The following PRUNE2 variants were observed in gnomAD, a reference collection of about 807,000 sequenced individuals.
The protein encoded by PRUNE2 is prune homolog 2 with BCH domain, also known as protein prune homolog 2.
PRUNE2 carries 164 observed loss-of-function variants against 252.0 expected under a neutral mutation model. That is an observed-to-expected ratio of 0.65 (90% CI 0.57 to 0.74). The LOEUF is 0.74. PRUNE2 is among the 30% of genes least tolerant of loss of function. The pLI is 0.00. For missense variants in PRUNE2, 3,495 were observed against 3,711.0 expected (o/e 0.94, Z 1.51); for synonymous variants, 1,292 against 1,350.2 (o/e 0.96, Z 0.94).
Position 76,710,803 on chromosome 9 carries a change from A to C in PRUNE2, c.1471T>G (p.Phe491Val). The change falls in exon 8 of 19, where the codon TTC becomes GTC. Residue 491 changes from phenylalanine to valine, a missense_variant. By Grantham distance (50) the Phe-to-Val change is conservative. Coordinates refer to ENST00000376718, the MANE Select transcript of PRUNE2 (RefSeq NM_015225.3). ...HAWSGEHGEHFDLFNFDPAPM... is the reference protein window; with the variant it reads ...HAWSGEHGEHVDLFNFDPAPM... ...GCTGGGTCAAAATTGAAGAGGTCGA[A>C]GTGCTCACCGTGTTCTCCAGACCAT... 6.3e-7 allele frequency: 1 copy of C among 1,579,618 alleles called. No homozygotes were observed. The highest frequency in any genetic ancestry group is 8.6e-7 in the Non-Finnish European group (1 of 1,164,554).
chr9:76,856,449 G>A (rs2060254004), intron 1 of PRUNE2: 1 of 152,170 alleles, frequency 6.6e-6, no homozygotes, highest in African/African-American at 2.4e-5. Flanking sequence ...AAGAAGACAT[G>A]GGGAGTGTAG....
chr9:76,723,900 T>C (rs1362718996), intron 6 of PRUNE2, among the ~76,000 whole-genome samples: 5 of 151,154 alleles, frequency 3.3e-5, no homozygotes, highest in East Asian at 2.0e-4. Context: ...CTCCGCCTTC[T>C]GGGTTCACGC....
intron 1 of PRUNE2, among the ~76,000 whole-genome samples, chr9:76,879,710 G>A (rs972416641): frequency 1.3e-5 from 2 of 151,502 alleles, no homozygotes; most frequent in South Asian, 2.1e-4. Flanking sequence ...AAGGAAGTGC[G>A]GGAGGGTTTG....
intron 17 of PRUNE2, among the ~76,000 whole-genome samples, chr9:76,623,486 G>A (rs953761923): frequency 2.6e-5 from 4 of 151,956 alleles, no homozygotes; most frequent in African/African-American, 9.7e-5. Context: ...GTAGAGACGG[G>A]GTTTCACCAT....
At position 76,621,128 on chromosome 9, in the gene PRUNE2, A is replaced by G. The variant is rs1320272236; in HGVS notation, c.9189-1741T>C. On this transcript the variant is annotated intron_variant, in intron 17 of 18. Transcript: ENST00000376718. ...TAGTGGGCATAAAGCAAAACAGTGG[A>G]CAGATAGGTTTTGTTCCCTGACCAA... Among the ~76,000 whole-genome samples the G allele has an allele frequency of 2.0e-5, 3 of 151,418 alleles. No individual in the cohort carries two copies. The East Asian group carries it at 5.8e-4, about 29-fold the overall frequency.
chr9:76,760,431 T>C (rs2051594062), intron 6 of PRUNE2, among the ~76,000 whole-genome samples: 1 of 152,130 alleles, frequency 6.6e-6, no homozygotes, highest in Non-Finnish European at 1.5e-5. Flanking sequence ...TACCAAAGAT[T>C]CTTCTCTTTT....
rs112317558 is a variant in PRUNE2 at position 76,871,742 on chromosome 9, C to T, written c.37-17534G>A. Reference sequence around the variant, plus strand: ...CTCCTGGTTTCAAGTGATTCTCCTGCCTCAGCCTCCTGAGTAGCTGGGACT... The same window carrying T: ...CTCCTGGTTTCAAGTGATTCTCCTGTCTCAGCCTCCTGAGTAGCTGGGACT... On this transcript the variant is annotated intron_variant, in intron 1 of 18. Coordinates refer to ENST00000376718, the MANE Select transcript of PRUNE2 (RefSeq NM_015225.3). Among the ~76,000 whole-genome samples, 986 of 152,288 alleles carry T rather than the reference C, an allele frequency of 6.5e-3. 10 individuals are homozygous for T. The highest frequency in any genetic ancestry group is 0.022 in the African/African-American group (933 of 41,570).
In PRUNE2 at chr9:76,705,239, A is replaced by C. The variant is rs747181340; in HGVS notation, c.7035T>G (p.Ser2345=). ...GDLGKQDICS[S]EASWGDFEYD... ...ATTCAAAATCACCCCACGAGGCTTC[A>C]GATGAGCAGATATCTTGCTTCCCTA... The change falls in exon 8 of 19, where the codon TCT becomes TCG. Residue 2345 remains serine (S), a synonymous_variant. Transcript: ENST00000376718. 9.9e-6 allele frequency: 16 copies of C among 1,613,942 alleles called. No individual in the cohort carries two copies. Among genetic ancestry groups the C allele is most frequent in the African/African-American group, 1.3e-5 (1 of 74,948 alleles).
intron 1 of PRUNE2, among the ~76,000 whole-genome samples, chr9:76,890,084 C>T (rs1168561263): frequency 4.6e-5 from 7 of 152,218 alleles, no homozygotes; most frequent in Admixed American, 4.6e-4. Context: ...TAAGCTAAGA[C>T]TCTCAGGAAT....
intron 6 of PRUNE2, among the ~76,000 whole-genome samples, chr9:76,821,231 A>C: frequency 6.6e-6 from 1 of 152,214 alleles, no homozygotes; most frequent in East Asian, 1.9e-4. Context: ...CAAGATTCGG[A>C]AAGTCATAGG....
intron 1 of PRUNE2, among the ~76,000 whole-genome samples, chr9:76,867,622 G>C (rs528118224): frequency 4.6e-4 from 70 of 152,218 alleles, no homozygotes; most frequent in African/African-American, 1.6e-3. Flanking sequence ...AGGCTGGAGC[G>C]CGGTGGCACA....
chr9:76,614,920 A>G (rs1014044933), intron 18 of PRUNE2, among the ~76,000 whole-genome samples: 2 of 152,244 alleles, frequency 1.3e-5, no homozygotes, highest in African/African-American at 4.8e-5. Context: ...GCATTAGTGT[A>G]TTCCAGAAAT....
At chr9:76,850,791 GCATT>G in intron 2 of PRUNE2, 126 bp from the exon 3 acceptor site, 1 of 669,360 alleles carries the variant, frequency 1.5e-6, no homozygotes, top group Non-Finnish European at 2.6e-6. Context: ...AAACCACTTG[GCATT>G]CATAATCAAA....
At position 76,796,263 on chromosome 9, in the gene PRUNE2, G is replaced by A. The variant is rs115395280; in HGVS notation, c.756+27369C>T. ...GAAGAGGAACTGTAGAAGGGACCAC[G>A]CAATGGACTGGTTCAATGACAATAT... is the stretch of plus-strand genomic sequence containing the variant. On this transcript the variant is annotated intron_variant, in intron 6 of 18. Coordinates refer to ENST00000376718, the MANE Select transcript of PRUNE2 (RefSeq NM_015225.3). Among the ~76,000 whole-genome samples the A allele has an allele frequency of 3.6e-3, 539 of 151,604 alleles. 4 individuals carry two copies. The highest frequency in any genetic ancestry group is 0.012 in the African/African-American group (497 of 40,996).
chr9:76,765,206 A>T lies in PRUNE2; in HGVS notation c.757-51485T>A, dbSNP rs180911904. On this transcript the variant is annotated intron_variant, in intron 6 of 18. Transcript: ENST00000376718. ...CAAGCTGGGAATTCCAACATGTAGAAGTTAAACACAAGAGGAGGAGCCAGC... is the reference window on the plus strand; with the variant it reads ...CAAGCTGGGAATTCCAACATGTAGATGTTAAACACAAGAGGAGGAGCCAGC... Among the ~76,000 whole-genome samples the T allele has an allele frequency of 1.6e-4, 24 of 152,344 alleles. No homozygotes were observed. The East Asian group carries it at 4.2e-3, about 27-fold the overall frequency.
At position 76,710,885 on chromosome 9, in the gene PRUNE2, G is replaced by C; in HGVS notation, c.1389C>G (p.Leu463=). The C allele has an allele frequency of 1.3e-6, 2 of 1,543,694 alleles. No homozygotes were observed. The highest frequency in any genetic ancestry group is 1.7e-6 in the Non-Finnish European group (2 of 1,146,956). Residue 463 remains leucine (L), a synonymous_variant, in exon 8 of 19, where the codon CTC becomes CTG. Transcript: ENST00000376718. The part of the protein sequence containing the change: ...GEGAGPHHTL[L]PGLDSYSPIP... ...TGGGGCTGTAGGAGTCAAGCCCTGG[G>C]AGAAGGGTGTGGTGAGGCCCAGCAC...
intron 9 of PRUNE2, among the ~76,000 whole-genome samples, chr9:76,667,729 G>A (rs922909094): frequency 6.6e-6 from 1 of 152,334 alleles, no homozygotes; most frequent in African/African-American, 2.4e-5. Flanking sequence ...GGACATGGGA[G>A]GGTTGCCTTT....
chr9:76,810,088 ACAGGTGCGCCTGG>A (rs1460371598), intron 6 of PRUNE2, among the ~76,000 whole-genome samples: 2 of 152,222 alleles, frequency 1.3e-5, no homozygotes, highest in African/African-American at 4.8e-5. Flanking sequence ...AGCATCATCC[ACAGGTGCGCCTGG>A]CATACGCATT....
intron 6 of PRUNE2, among the ~76,000 whole-genome samples, chr9:76,763,821 C>T (rs1460130532): frequency 7.0e-6 from 1 of 143,170 alleles, no homozygotes; most frequent in African/African-American, 2.5e-5. Context: ...GAAGAGGGAG[C>T]TTTCTTCTGT....
Sources: allele counts gnomAD v4.1 joint callset (sites outside exome capture counted in the v4.1 genomes callset), GRCh38; gene constraint gnomAD v4.1.1; transcripts MANE v1.5; gene names NCBI Gene and HGNC (gene_info 2026-07-23, HGNC 2026-07-21).